The following CYP2R1 variants were observed in gnomAD, a reference collection of about 807,000 sequenced individuals.
CYP2R1 encodes the protein vitamin D 25-hydroxylase.
A neutral mutation model predicts 45.7 loss-of-function variants in CYP2R1; 40 were observed. The ratio of observed to expected loss-of-function variants is 0.87; its 90% CI spans 0.68 to 1.14. The LOEUF is 1.14. Ranked by LOEUF, CYP2R1 falls within the 50% of genes most tolerant of loss-of-function variation. CYP2R1 has a pLI of 0.00. For synonymous variants in CYP2R1, 234 were observed against 219.3 expected (o/e 1.07, Z -0.59); for missense variants, 605 against 602.6 (o/e 1.00, Z -0.04).
chr11:14,891,407 T>C, intron 1 of CYP2R1: 1 of 985,842 alleles, frequency 1.0e-6, no homozygotes, highest in South Asian at 4.7e-5. Flanking sequence ...AGTCATCAAT[T>C]CATTCACGCG....
rs531787184 is a variant in CYP2R1 at position 14,889,450 on chromosome 11, G to C, written c.225+2531C>G. Among the ~76,000 whole-genome samples the C allele has an allele frequency of 3.3e-5, 5 of 152,256 alleles. No homozygotes were observed. The East Asian group carries it at 9.7e-4, about 29-fold the overall frequency. On this transcript the variant is annotated intron_variant, in intron 1 of 4. Coordinates refer to ENST00000334636, the MANE Select transcript of CYP2R1 (RefSeq NM_024514.5). ...GTAGCCTAGAGTTAATATGTTTGGT[G>C]GTTATCAACTAGATCTAAGGCATAG...
Position 14,879,424 on chromosome 11 carries a change from A to G in CYP2R1, c.1020T>C (p.Ile340=). The stretch of plus-strand genomic sequence containing the variant: ...TCCCATTAGGGCCCATAATTAAATC[A>G]ATCTCTTTCTGAACTTGTCCTGTCA... The part of the protein sequence containing the change: ...PNIQGQVQKE[I]DLIMGPNGKP... Residue 340 remains isoleucine (I), a synonymous_variant, in exon 4 of 5, where the codon ATT becomes ATC. Coordinates refer to ENST00000334636, the MANE Select transcript of CYP2R1 (RefSeq NM_024514.5). 5 of 1,603,326 alleles carry G rather than the reference A, an allele frequency of 3.1e-6. No homozygotes were observed. In the South Asian group the frequency reaches 5.5e-5, roughly 18 times the overall value.
At position 14,880,588 on chromosome 11, in the gene CYP2R1, A is replaced by T; in HGVS notation, c.548T>A (p.Ile183Lys). ...GGTTATGTTTGAAACAGCATTCGTT[A>T]TTAACTGTTTAAAGTCAAAAGGTCT... is the stretch of plus-strand genomic sequence containing the variant. The part of the protein sequence containing the change: ...KGRPFDFKQL[I>K]TNAVSNITNL... Residue 183 changes from isoleucine (I) to lysine (K), a missense_variant, in exon 3 of 5, where the codon ATA (isoleucine) becomes AAA (lysine). Ile to Lys is a moderately radical substitution (Grantham distance 102). Coordinates refer to ENST00000334636, the MANE Select transcript of CYP2R1 (RefSeq NM_024514.5). 6.2e-7 allele frequency: 1 copy of T among 1,613,188 alleles called. No homozygotes were observed. Among genetic ancestry groups the T allele is most frequent in the Non-Finnish European group, 8.5e-7 (1 of 1,179,504 alleles).
At position 14,885,769 on chromosome 11, in the gene CYP2R1, A is replaced by G; in HGVS notation, c.367+7T>C. On this transcript the variant is annotated splice_region_variant and intron_variant, in intron 2 of 4. Transcript: ENST00000334636. The stretch of plus-strand genomic sequence containing the variant: ...GTAAATCACTAAATAGGTGCAAATA[A>G]ACATACCTCCCATTTTTGTCATCTT... 7.4e-6 allele frequency: 12 copies of G among 1,611,928 alleles called. No homozygotes were observed. The highest frequency in any genetic ancestry group is 1.0e-5 in the Non-Finnish European group (12 of 1,179,522).
At position 14,892,083 on chromosome 11, in the gene CYP2R1, C is replaced by T; in HGVS notation, c.123G>A (p.Pro41=). 6.2e-7 allele frequency: 1 copy of T among 1,611,668 alleles called. No homozygotes were observed. The highest frequency in any genetic ancestry group is 8.5e-7 in the Non-Finnish European group (1 of 1,179,658). The change falls in exon 1 of 5, where the codon CCG becomes CCA. Residue 41 remains proline, a synonymous_variant. Transcript: ENST00000334636. ...LKQRRPMGFP[P]GPPGLPFIGN... ...CGATAAATGGCAGCCCCGGCGGCCC[C>T]GGGGGGAAGCCCATCGGCCGCCTCT... is the stretch of plus-strand genomic sequence containing the variant.
chr11:14,880,151 A>AATATTC lies in CYP2R1; in HGVS notation c.984_985insGAATAT (p.Leu328_Tyr329insGluTyr). 1 of 1,612,764 alleles carries AATATTC rather than the reference A, an allele frequency of 6.2e-7. No homozygotes were observed. The highest frequency in any genetic ancestry group is 8.5e-7 in the Non-Finnish European group (1 of 1,179,176). On this transcript the variant is annotated inframe_insertion, in exon 3 of 5. Transcript: ENST00000334636. ...GAATCCTCACCTTGAATATTAGGAT[A>AATATTC]AAGGGCCATGAAAAGAATCGCCCAC...
In CYP2R1 at chr11:14,891,068, A is replaced by G. The variant is rs559498193; in HGVS notation, c.225+913T>C. On this transcript the variant is annotated intron_variant, in intron 1 of 4. Coordinates refer to ENST00000334636, the MANE Select transcript of CYP2R1 (RefSeq NM_024514.5). Reference sequence around the variant, plus strand: ...GCGTCAGGCCTGTAGTTGCATATAAATAAGTGTAATTCAAAACAAAACAGG... The same window carrying G: ...GCGTCAGGCCTGTAGTTGCATATAAGTAAGTGTAATTCAAAACAAAACAGG... 1.5e-4 allele frequency: 144 copies of G among 985,396 alleles called. 1 individual carries two copies. The African/African-American group carries it at 2.1e-3, about 14-fold the overall frequency. 61.0% of individuals were successfully genotyped at this position (985,396 alleles called of 1,614,324 possible). A position where few individuals can be genotyped will look rare whatever the true frequency, so the allele number is the denominator to read the frequency against.
At chr11:14,883,529 T>C (rs1297553900) in intron 2 of CYP2R1, among the ~76,000 whole-genome samples, 3 of 151,314 alleles carry the variant, frequency 2.0e-5, no homozygotes, top group African/African-American at 4.8e-5. Flanking sequence ...ATACAAAAAT[T>C]AATTCAAGAT....
In CYP2R1 at chr11:14,878,065, C is replaced by A; in HGVS notation, c.*57G>T. 1 of 1,580,892 alleles carries A rather than the reference C, an allele frequency of 6.3e-7. No homozygotes were observed. The highest frequency in any genetic ancestry group is 8.6e-7 in the Non-Finnish European group (1 of 1,157,742). On this transcript the variant is annotated 3_prime_UTR_variant, in exon 5 of 5. Coordinates refer to ENST00000334636, the MANE Select transcript of CYP2R1 (RefSeq NM_024514.5). ...AATACACACATTGATTTGATTAAAC[C>A]AAGTTCAGGGATAAGGCAAATATAC... is the stretch of plus-strand genomic sequence containing the variant.
intron 2 of CYP2R1, among the ~76,000 whole-genome samples, chr11:14,883,749 C>T (rs200312400): frequency 6.6e-6 from 1 of 151,848 alleles, no homozygotes; most frequent in South Asian, 2.1e-4. Flanking sequence ...GAACAGGCAA[C>T]CTACAAAATG....
chr11:14,880,374 A>G lies in CYP2R1; in HGVS notation c.762T>C (p.Tyr254=), dbSNP rs781906862. 4.3e-6 allele frequency: 7 copies of G among 1,613,314 alleles called. No individual in the cohort carries two copies. The highest frequency in any genetic ancestry group is 1.3e-5 in the African/African-American group (1 of 74,904). The part of the protein sequence containing the change: ...QQLFRNAAVV[Y]DFLSRLIEKA... Reference sequence around the variant, plus strand: ...TTTCAATGAGTCTGGAGAGAAAATCATAGACTACAGCTGCATTTCTAAACA... The same window carrying G: ...TTTCAATGAGTCTGGAGAGAAAATCGTAGACTACAGCTGCATTTCTAAACA... The change falls in exon 3 of 5, where the codon TAT becomes TAC. Residue 254 remains tyrosine (Y), a synonymous_variant. Transcript: ENST00000334636.
chr11:14,883,464 G>A (rs1159454261), intron 2 of CYP2R1, among the ~76,000 whole-genome samples: 3 of 152,090 alleles, frequency 2.0e-5, no homozygotes, highest in Non-Finnish European at 4.4e-5. Context: ...ATGGTGCTGG[G>A]AAAACTGGCT....
chr11:14,879,627 G>A (rs782009205), intron 3 of CYP2R1, among the ~76,000 whole-genome samples, 184 bp from the exon 4 acceptor site: 42 of 151,892 alleles, frequency 2.8e-4, no homozygotes, highest in Non-Finnish European at 1.6e-4. Context: ...TGTACTAACA[G>A]TAGCCAGTGC....
chr11:14,880,810 T>C, intron 2 of CYP2R1, 42 bp from the exon 3 acceptor site: 1 of 1,548,060 alleles, frequency 6.5e-7, no homozygotes, highest in Non-Finnish European at 8.7e-7. Context: ...CCTACTTCTC[T>C]GTATCTAAAA....
At chr11:14,885,999 G>T in intron 1 of CYP2R1, 82 bp from the exon 2 acceptor site, 1 of 1,381,090 alleles carries the variant, frequency 7.2e-7, no homozygotes, top group Non-Finnish European at 1.0e-6. Flanking sequence ...AGTGGTAAGT[G>T]CGGCTCTTCC....
At chr11:14,891,424 A>T in intron 1 of CYP2R1, 1 of 985,702 alleles carries the variant, frequency 1.0e-6, no homozygotes, top group Non-Finnish European at 1.2e-6. Context: ...CGCGTTCACA[A>T]TCGTTTCCCA....
chr11:14,883,512 A>G (rs2134045295), intron 2 of CYP2R1, among the ~76,000 whole-genome samples: 1 of 151,096 alleles, frequency 6.6e-6, no homozygotes, highest in South Asian at 2.1e-4. Context: ...TCCCTTCCTT[A>G]CACCTTATAC....
chr11:14,890,328 C>T, intron 1 of CYP2R1: 1 of 281,172 alleles, frequency 3.6e-6, no homozygotes, highest in Non-Finnish European at 5.4e-6. Flanking sequence ...ATGCTGTGTA[C>T]CAAGATACCA....
Position 14,880,524 on chromosome 11 carries a change from G to A in CYP2R1, c.612C>T (p.Asp204=). The change falls in exon 3 of 5, where the codon GAC becomes GAT. Residue 204 remains aspartate (D), a synonymous_variant. Coordinates refer to ENST00000334636, the MANE Select transcript of CYP2R1 (RefSeq NM_024514.5). ...IIFGERFTYE[D]TDFQHMIELF... ...ACTCAATCATGTGCTGAAAATCGGTGTCTTCATAAGTGAATCGTTCTCCAA... is the reference window on the plus strand; with the variant it reads ...ACTCAATCATGTGCTGAAAATCGGTATCTTCATAAGTGAATCGTTCTCCAA... 6.2e-7 allele frequency: 1 copy of A among 1,613,486 alleles called. No homozygotes were observed. Among genetic ancestry groups the A allele is most frequent in the Non-Finnish European group, 8.5e-7 (1 of 1,179,702 alleles).
Sources: gnomAD v4.1 joint callset for allele counts (sites outside exome capture counted in the v4.1 genomes callset) on GRCh38, gnomAD v4.1.1 for gene constraint, MANE v1.5 for transcripts, NCBI Gene and HGNC (gene_info 2026-07-23, HGNC 2026-07-21) for gene names.